Variants in VPS13B observed in about 807,000 individuals in gnomAD.
The protein encoded by VPS13B is vacuolar protein sorting 13 homolog B.
Under a neutral mutation model 426.4 loss-of-function variants are expected in VPS13B, and 285 were observed. The observed-to-expected ratio is 0.67, with a 90% CI of 0.61 to 0.74. VPS13B has a LOEUF of 0.74. Ranked by LOEUF, VPS13B falls within the 30% of genes least tolerant of loss-of-function variation. VPS13B has a pLI of 0.00. For missense variants in VPS13B, 4,537 were observed against 4,782.6 expected, an observed-to-expected ratio of 0.95 and a Z score of 1.51; for synonymous variants, 1,676 against 1,676.4, an observed-to-expected ratio of 1.00 and a Z score of 0.01.
At chr8:99,278,405 A>C (rs1048573560) in intron 19 of VPS13B, among the ~76,000 whole-genome samples, 3 of 152,196 alleles carry the variant, frequency 2.0e-5, no homozygotes, top group Non-Finnish European at 4.4e-5. Context: ...GTATTAGTAA[A>C]ACTCATTATA....
rs758620424 is a variant in VPS13B, at chr8:99,275,039, A to G, written c.2651-42A>G. 8.0e-6 allele frequency: 12 copies of G among 1,500,752 alleles called. No individual in the cohort carries two copies. The Admixed American group carries it at 1.7e-4, about 21-fold the overall frequency. 93.0% of individuals were successfully genotyped at this position (1,500,752 alleles called of 1,614,324 possible). A position where few individuals can be genotyped will look rare whatever the true frequency, so the allele number is the denominator to read the frequency against. On this transcript the variant is annotated intron_variant, in intron 18 of 61. Coordinates refer to ENST00000357162, the MANE Select transcript of VPS13B (RefSeq NM_152564.5). ...AAAATCAAACATTCTCAAGTGACTC[A>G]TGTTTTATTTTTATTATTGTTTTAT...
At chr8:99,588,751 A>T (rs1018407971) in intron 33 of VPS13B, among the ~76,000 whole-genome samples, 2 of 151,754 alleles carry the variant, frequency 1.3e-5, no homozygotes, top group Non-Finnish European at 2.9e-5. Flanking sequence ...CAGTCATGTC[A>T]TCTGCAAACA....
intron 21 of VPS13B, among the ~76,000 whole-genome samples, chr8:99,413,108 G>A (rs1815785204): frequency 6.6e-6 from 1 of 152,104 alleles, no homozygotes; most frequent in Non-Finnish European, 1.5e-5. Flanking sequence ...TTTTTATATT[G>A]TTTGGAATAG....
At chr8:99,352,720 A>G (rs1249026340) in intron 19 of VPS13B, among the ~76,000 whole-genome samples, 2 of 151,616 alleles carry the variant, frequency 1.3e-5, no homozygotes, top group Non-Finnish European at 2.9e-5. Context: ...GATATTCAAG[A>G]GGCTGAGGCC....
Position 99,147,858 on chromosome 8 carries a change from G to T in VPS13B, c.1861G>T (p.Glu621Ter), listed in dbSNP as rs749656804. 1.3e-6 allele frequency: 2 copies of T among 1,521,384 alleles called. No individual in the cohort carries two copies. Among genetic ancestry groups the T allele is most frequent in the South Asian group, 2.9e-5 (2 of 69,828 alleles). The allele number at this position is 1,521,384 out of a possible 1,614,324, so 94.2% of individuals were successfully genotyped here. Residue 621 changes from glutamate to a stop codon, truncating the protein, a stop_gained, in exon 14 of 62, where the codon GAA becomes TAA. Coordinates refer to ENST00000357162, the MANE Select transcript of VPS13B (RefSeq NM_152564.5). LOFTEE classifies it high-confidence loss of function. Reference sequence around the variant, plus strand: ...AATTTTAGATATTAAGGATGAAAATGAAACAATACTGAATCCTGAAGAGGT... The same window carrying T: ...AATTTTAGATATTAAGGATGAAAATTAAACAATACTGAATCCTGAAGAGGT... ...RLKSDIKDENETILNPEEVAL... is the reference protein window; with the variant it reads ...RLKSDIKDEN
At chr8:99,414,653 A>T (rs1815889590) in intron 21 of VPS13B, among the ~76,000 whole-genome samples, 1 of 152,068 alleles carries the variant, frequency 6.6e-6, no homozygotes. Flanking sequence ...TCTGTAAAGG[A>T]TTTTATTTCT....
At chr8:99,605,591 T>G (rs1827530361) in intron 33 of VPS13B, among the ~76,000 whole-genome samples, 1 of 152,240 alleles carries the variant, frequency 6.6e-6, no homozygotes, top group Admixed American at 6.5e-5. Flanking sequence ...ATTCTAGTTT[T>G]TTCCTCAGGC....
intron 57 of VPS13B, among the ~76,000 whole-genome samples, chr8:99,861,389 C>T (rs1251271190): frequency 3.9e-5 from 6 of 152,208 alleles, no homozygotes; most frequent in African/African-American, 1.2e-4. Flanking sequence ...GCAGCCTTGA[C>T]GTCCTGGGCT....
intron 30 of VPS13B, among the ~76,000 whole-genome samples, chr8:99,555,158 T>A (rs1824487722): frequency 6.6e-6 from 1 of 152,096 alleles, no homozygotes; most frequent in Non-Finnish European, 1.5e-5. Context: ...TTCACTTGAA[T>A]TAATTAATGT....
intron 14 of VPS13B, among the ~76,000 whole-genome samples, chr8:99,153,969 G>C (rs542931977): frequency 1.3e-5 from 2 of 150,836 alleles, no homozygotes; most frequent in South Asian, 4.2e-4. Context: ...TAGGTTTGTG[G>C]GTTTTTTCCT....
intron 3 of VPS13B, among the ~76,000 whole-genome samples, chr8:99,095,834 A>G (rs905733162): frequency 1.3e-5 from 2 of 152,172 alleles, no homozygotes; most frequent in African/African-American, 4.8e-5. Flanking sequence ...TTTAGTATAC[A>G]TTGTTTAGGA....
At position 99,501,698 on chromosome 8, in the gene VPS13B, A is replaced by G. The variant is rs957432577; in HGVS notation, c.3882A>G (p.Ile1294Met). Residue 1294 changes from isoleucine (I) to methionine (M), a missense_variant, in exon 26 of 62, where the codon ATA (isoleucine) becomes ATG (methionine). By Grantham distance (10) the Ile-to-Met change is conservative (BLOSUM62 1). Around this residue, in one of 2 missense-constraint regions of VPS13B, gnomAD observed 4,311 missense variants for 4,474.3 expected, o/e 0.96. Coordinates refer to ENST00000357162, the MANE Select transcript of VPS13B (RefSeq NM_152564.5). The part of the protein sequence containing the change: ...DIGTTTEGDS[I>M]QAGEESPFSD... The stretch of plus-strand genomic sequence containing the variant: ...TCTCCTCATCCCAGGGAGATTCTAT[A>G]CAAGCAGGTGAGGAATCACCATTCT... 1 of 1,614,070 alleles carries G rather than the reference A, an allele frequency of 6.2e-7. No individual in the cohort carries two copies. Among genetic ancestry groups the G allele is most frequent in the Admixed American group, 1.7e-5 (1 of 60,018 alleles).
chr8:99,537,194 AT>A (rs1272202191), intron 30 of VPS13B, among the ~76,000 whole-genome samples: 2 of 152,150 alleles, frequency 1.3e-5, no homozygotes, highest in Admixed American at 1.3e-4. Context: ...ATCATCAAAA[AT>A]TTAGCAGCCT....
At chr8:99,623,968 G>A (rs534975424) in intron 33 of VPS13B, among the ~76,000 whole-genome samples, 37 of 140,748 alleles carry the variant, frequency 2.6e-4, no homozygotes, top group Admixed American at 2.5e-3. Context: ...TAGAGTTAAA[G>A]GTAAAGGCTA....
chr8:99,558,353 T>C (rs1824700780), intron 31 of VPS13B, among the ~76,000 whole-genome samples: 1 of 152,146 alleles, frequency 6.6e-6, no homozygotes, highest in Non-Finnish European at 1.5e-5. Flanking sequence ...ACCCACCCTC[T>C]TCACTTGCCT....
intron 30 of VPS13B, among the ~76,000 whole-genome samples, chr8:99,533,475 T>C (rs1332926235): frequency 6.6e-6 from 1 of 152,180 alleles, no homozygotes; most frequent in Admixed American, 6.5e-5. Flanking sequence ...CATTCTGACT[T>C]TTCATAGGGT....
At chr8:99,270,517 CTTA>C (rs1352731953) in intron 17 of VPS13B, among the ~76,000 whole-genome samples, 4 of 151,916 alleles carry the variant, frequency 2.6e-5, no homozygotes, top group Admixed American at 6.6e-5. Context: ...TTAAGAAATA[CTTA>C]TTATTTATGA....
intron 33 of VPS13B, among the ~76,000 whole-genome samples, chr8:99,607,288 G>T (rs1029709449): frequency 1.3e-5 from 2 of 152,092 alleles, no homozygotes; most frequent in Non-Finnish European, 2.9e-5. Context: ...TCATTTCATT[G>T]GTCTAGAGAG....
chr8:99,624,596 G>C (rs953459989), intron 33 of VPS13B, among the ~76,000 whole-genome samples: 2 of 152,124 alleles, frequency 1.3e-5, no homozygotes, highest in African/African-American at 2.4e-5. Flanking sequence ...TTGAGTCACT[G>C]TCCCACTGTC....
Sources: gnomAD v4.1 joint callset for allele counts (sites outside exome capture counted in the v4.1 genomes callset) on GRCh38, gnomAD v4.1.1 for gene constraint, gnomAD v4.1.1 regional missense constraint, MANE v1.5 for transcripts, NCBI Gene and HGNC (gene_info 2026-07-23, HGNC 2026-07-21) for gene names.